The following CNTN1 variants were observed in gnomAD, a reference collection of about 807,000 sequenced individuals.
CNTN1 encodes contactin 1, also known as contactin-1.
CNTN1 carries 38 observed loss-of-function variants against 126.4 expected under a neutral mutation model. The ratio of observed to expected loss-of-function variants is 0.30; its 90% CI spans 0.23 to 0.39. The LOEUF is 0.39. Ranked by LOEUF, CNTN1 falls within the 10% of genes least tolerant of loss-of-function variation. The probability of loss-of-function intolerance (pLI) is 1.00; values close to 1 mark genes in which losing one functional copy is unlikely to be tolerated. For synonymous variants in CNTN1, 413 were observed against 422.6 expected (o/e 0.98, Z 0.28); for missense variants, 1,009 against 1,248.4 (o/e 0.81, Z 2.89).
chr12:40,951,576 G>A (rs976986936), intron 14 of CNTN1, among the ~76,000 whole-genome samples: 5 of 151,666 alleles, frequency 3.3e-5, no homozygotes, highest in Admixed American at 1.3e-4. Flanking sequence ...TAGGGTGGTG[G>A]TGCACACCTG....
chr12:40,983,864 T>A (rs867573492), intron 16 of CNTN1, among the ~76,000 whole-genome samples: 2 of 62,274 alleles, frequency 3.2e-5, no homozygotes, highest in Non-Finnish European at 6.5e-5. Context: ...TATATGCTAT[T>A]ATAGCATATT....
chr12:40,804,509 G>A (rs1233372914), intron 1 of CNTN1, among the ~76,000 whole-genome samples: 1 of 152,018 alleles, frequency 6.6e-6, no homozygotes. Flanking sequence ...GCAGATGGTT[G>A]CCTGACCCCG....
chr12:40,950,760 T>A (rs1171645002), intron 14 of CNTN1, among the ~76,000 whole-genome samples: 1 of 152,036 alleles, frequency 6.6e-6, no homozygotes, highest in Non-Finnish European at 1.5e-5. Context: ...AAGGAAGGTA[T>A]CTATGTTCCT....
In CNTN1 at chr12:41,018,544, A is replaced by G. The variant is rs563499401; in HGVS notation, c.2419+1628A>G. Among the ~76,000 whole-genome samples, 69 of 152,004 alleles carry G rather than the reference A, an allele frequency of 4.5e-4. 1 individual carries two copies. In the South Asian group the frequency reaches 5.2e-3, roughly 11 times the overall value. On this transcript the variant is annotated intron_variant, in intron 19 of 23. Coordinates refer to ENST00000551295, the MANE Select transcript of CNTN1 (RefSeq NM_001843.4). ...TAATACCATGTCATATGTCTTAAAT[A>G]TACATAACAAAATTTAATATAAAAG...
At chr12:40,971,332 C>A in intron 15 of CNTN1, 1 of 962,792 alleles carries the variant, frequency 1.0e-6, no homozygotes, top group Non-Finnish European at 1.6e-6. Flanking sequence ...ATTCTTTCAC[C>A]TTACCCATCA....
chr12:40,894,860 A>G lies in CNTN1; in HGVS notation c.-76-13497A>G, dbSNP rs138776025. On this transcript the variant is annotated intron_variant, in intron 1 of 23. Coordinates refer to ENST00000551295, the MANE Select transcript of CNTN1 (RefSeq NM_001843.4). The stretch of plus-strand genomic sequence containing the variant: ...GTGTCATTTCTAGAGAATTTGGTCC[A>G]TATAAATTCAGTCTTGGCAGCTAGC... Among the ~76,000 whole-genome samples, 43 of 152,336 alleles carry G rather than the reference A, an allele frequency of 2.8e-4. 1 individual carries two copies. In the South Asian group the frequency reaches 6.4e-3, roughly 23 times the overall value.
chr12:40,824,488 A>G (rs1941545051), intron 1 of CNTN1, among the ~76,000 whole-genome samples: 1 of 152,174 alleles, frequency 6.6e-6, no homozygotes, highest in African/African-American at 2.4e-5. Context: ...GAGGTTGACA[A>G]TATCTCAATT....
intron 1 of CNTN1, among the ~76,000 whole-genome samples, chr12:40,785,221 G>A (rs1314697031): frequency 6.6e-6 from 1 of 152,024 alleles, no homozygotes; most frequent in Non-Finnish European, 1.5e-5. Context: ...ACCTACAGAT[G>A]GGGTAATTTA....
intron 23 of CNTN1, among the ~76,000 whole-genome samples, chr12:41,063,416 A>G (rs1949983241): frequency 6.6e-6 from 1 of 152,184 alleles, no homozygotes; most frequent in Admixed American, 6.5e-5. Flanking sequence ...CCTTGATAGA[A>G]AGTTACTGTG....
intron 12 of CNTN1, among the ~76,000 whole-genome samples, chr12:40,940,607 A>G (rs1186042341): frequency 2.6e-5 from 4 of 152,132 alleles, no homozygotes; most frequent in African/African-American, 7.2e-5. Flanking sequence ...TATTCATGCT[A>G]TCTAAACTAG....
intron 1 of CNTN1, among the ~76,000 whole-genome samples, chr12:40,751,334 A>G (rs1938398587): frequency 6.6e-6 from 1 of 152,106 alleles, no homozygotes; most frequent in Admixed American, 6.6e-5. Flanking sequence ...ATAAAAGTTA[A>G]CTAAGTATCT....
chr12:40,774,415 C>T (rs1389414539), intron 1 of CNTN1, among the ~76,000 whole-genome samples: 3 of 151,600 alleles, frequency 2.0e-5, no homozygotes, highest in East Asian at 1.9e-4. Flanking sequence ...GGGAAGACAT[C>T]GATCTATCAG....
intron 1 of CNTN1, among the ~76,000 whole-genome samples, chr12:40,901,925 G>T (rs930058550): frequency 6.6e-6 from 1 of 152,158 alleles, no homozygotes; most frequent in Non-Finnish European, 1.5e-5. Context: ...AAAGAAATCA[G>T]TGTGAGGCTG....
chr12:41,013,152 A>G (rs1007461640), intron 17 of CNTN1, among the ~76,000 whole-genome samples: 1 of 152,194 alleles, frequency 6.6e-6, no homozygotes, highest in Non-Finnish European at 1.5e-5. Context: ...TGATGTTTAC[A>G]TAGTGCGTGG....
At chr12:40,861,446 T>A (rs1565846948) in intron 1 of CNTN1, among the ~76,000 whole-genome samples, 1 of 152,202 alleles carries the variant, frequency 6.6e-6, no homozygotes, top group African/African-American at 2.4e-5. Flanking sequence ...TAAAGTTTTT[T>A]AATGGAATCT....
chr12:40,968,599 T>G (rs1188168738), intron 15 of CNTN1, among the ~76,000 whole-genome samples: 1 of 152,178 alleles, frequency 6.6e-6, no homozygotes, highest in African/African-American at 2.4e-5. Context: ...ATTCAGAATA[T>G]TTAAATATCT....
intron 1 of CNTN1, among the ~76,000 whole-genome samples, chr12:40,904,650 G>A (rs1189451626): frequency 2.6e-5 from 4 of 151,642 alleles, no homozygotes; most frequent in Non-Finnish European, 4.4e-5. Context: ...GGCTGGTCTC[G>A]AACTCCTGAC....
rs78339738 is a variant in CNTN1, at chr12:40,757,765, G to C, written c.-77+65173G>C. On this transcript the variant is annotated intron_variant, in intron 1 of 23. Coordinates refer to ENST00000551295, the MANE Select transcript of CNTN1 (RefSeq NM_001843.4). ...GTGAGCATGAATTGAAAATCTCATT[G>C]GTAAGAAAAAAATAAAACCATTTAT... Among the ~76,000 whole-genome samples, 5 of 151,572 alleles carry C rather than the reference G, an allele frequency of 3.3e-5. No homozygotes were observed. In the East Asian group the frequency reaches 7.7e-4, roughly 23 times the overall value.
chr12:40,865,547 A>AT (rs577819315), intron 1 of CNTN1, among the ~76,000 whole-genome samples: 76 of 151,708 alleles, frequency 5.0e-4, no homozygotes, highest in African/African-American at 1.7e-3. Flanking sequence ...GTCCAAACTT[A>AT]TTTTTTTTGT....
Sources: allele counts gnomAD v4.1 joint callset (sites outside exome capture counted in the v4.1 genomes callset), GRCh38; gene constraint gnomAD v4.1.1; transcripts MANE v1.5; gene names NCBI Gene and HGNC (gene_info 2026-07-23, HGNC 2026-07-21).